Variants in COL5A2 observed in about 807,000 individuals in gnomAD.
The protein encoded by COL5A2 is collagen type V alpha 2 chain.
Under a neutral mutation model 208.2 loss-of-function variants are expected in COL5A2, and 23 were observed. The observed-to-expected ratio is 0.11, with a 90% CI of 0.08 to 0.16. COL5A2 has a LOEUF of 0.16. COL5A2 is among the 10% of genes least tolerant of loss of function. The probability of loss-of-function intolerance (pLI) is 1.00; values close to 1 mark genes in which losing one functional copy is unlikely to be tolerated. For missense variants in COL5A2, 1,590 were observed against 1,956.4 expected (o/e 0.81, Z 3.53); for synonymous variants, 625 against 628.5 (o/e 0.99, Z 0.08).
the COL5A2 span, among the ~76,000 whole-genome samples, chr2:189,267,594 G>A: frequency 6.6e-6 from 1 of 152,208 alleles, no homozygotes; most frequent in African/African-American, 2.4e-5. Flanking sequence ...GAATAAGAAG[G>A]CCAGGAAATT....
At chr2:189,137,062 T>C (rs1429916996) in intron 1 of COL5A2, among the ~76,000 whole-genome samples, 1 of 152,202 alleles carries the variant, frequency 6.6e-6, no homozygotes, top group East Asian at 1.9e-4. Flanking sequence ...GGTTCTATAA[T>C]TACAATTATT....
chr2:189,362,045 T>G, the COL5A2 span, among the ~76,000 whole-genome samples: 1 of 152,194 alleles, frequency 6.6e-6, no homozygotes, highest in Non-Finnish European at 1.5e-5. Flanking sequence ...GGTGATTTAG[T>G]TACCCCAACT....
chr2:189,064,857 G>C (rs1011749771), intron 24 of COL5A2, 147 bp downstream of exon 24: 1 of 902,260 alleles, frequency 1.1e-6, no homozygotes, highest in South Asian at 1.4e-5. Context: ...AATTACACAA[G>C]AGAGGATTGG....
the COL5A2 span, among the ~76,000 whole-genome samples, chr2:189,430,999 C>T: frequency 2.6e-5 from 4 of 152,294 alleles, no homozygotes; most frequent in African/African-American, 9.6e-5. Flanking sequence ...GCAATATTTG[C>T]TATTCTGCAA....
At chr2:189,343,380 A>T in the COL5A2 span, among the ~76,000 whole-genome samples, 4 of 152,112 alleles carry the variant, frequency 2.6e-5, no homozygotes, top group Non-Finnish European at 5.9e-5. Context: ...CTAGGAAGTA[A>T]GAAATCCTGA....
chr2:189,222,514 C>T (rs577925171), intron 1 of COL5A2, among the ~76,000 whole-genome samples: 1 of 152,166 alleles, frequency 6.6e-6, no homozygotes, highest in East Asian at 1.9e-4. Flanking sequence ...CAGTGATATC[C>T]TCCTATCCAG....
At chr2:189,395,898 CAAAAAAAAAAAAAAAAAA>C in the COL5A2 span, among the ~76,000 whole-genome samples, 2 of 53,188 alleles carry the variant, frequency 3.8e-5, no homozygotes, top group African/African-American at 7.8e-5. Context: ...GGACACATCT[CAAAAAAAAAAAAAAAAAA>C]AAAAAAAAAA....
the COL5A2 span, among the ~76,000 whole-genome samples, chr2:189,243,130 T>C: frequency 1.4e-4 from 21 of 151,934 alleles, no homozygotes; most frequent in Non-Finnish European, 2.4e-4. Context: ...AAGTGAGTGA[T>C]GAACAATCCT....
At chr2:189,201,317 A>G (rs1263520126) in intron 1 of COL5A2, among the ~76,000 whole-genome samples, 1 of 152,020 alleles carries the variant, frequency 6.6e-6, no homozygotes, top group Non-Finnish European at 1.5e-5. Context: ...TAAGTCCATG[A>G]AATGATACAA....
chr2:189,433,186 G>C, the COL5A2 span, among the ~76,000 whole-genome samples: 1 of 152,210 alleles, frequency 6.6e-6, no homozygotes, highest in Non-Finnish European at 1.5e-5. Context: ...AAAGCAATGT[G>C]TAGGGAGAAA....
chr2:189,041,801 A>G, intron 49 of COL5A2, 108 bp from the exon 50 acceptor site: 1 of 703,772 alleles, frequency 1.4e-6, no homozygotes, highest in East Asian at 2.7e-5. Context: ...AGTGATTTCT[A>G]AGATTCATTT....
At chr2:189,226,722 G>A (rs1319256612), upstream of COL5A2, among the ~76,000 whole-genome samples, 2 of 152,098 alleles carry the variant, frequency 1.3e-5, no homozygotes, top group Non-Finnish European at 2.9e-5. Context: ...CAGTATCGCA[G>A]ACAGAGGCCT....
At chr2:189,264,247 C>A in the COL5A2 span, among the ~76,000 whole-genome samples, 2 of 151,740 alleles carry the variant, frequency 1.3e-5, no homozygotes, top group Admixed American at 1.3e-4. Flanking sequence ...TATTGAAATT[C>A]ATTAAAGAAA....
chr2:189,402,515 G>A, the COL5A2 span, among the ~76,000 whole-genome samples: 1 of 152,364 alleles, frequency 6.6e-6, no homozygotes, highest in Non-Finnish European at 1.5e-5. Context: ...ACTGTGCCCG[G>A]CCTATAGGTT....
intron 1 of COL5A2, among the ~76,000 whole-genome samples, chr2:189,140,177 TAAG>T (rs1258566933): frequency 3.9e-5 from 6 of 152,228 alleles, no homozygotes; most frequent in African/African-American, 1.4e-4. Context: ...AGAATAAAAA[TAAG>T]AATCAAAGTG....
intron 53 of COL5A2, 37 bp from the exon 54 acceptor site, chr2:189,034,253 C>T (rs1685398005): frequency 4.3e-6 from 7 of 1,612,272 alleles, no homozygotes; most frequent in Non-Finnish European, 5.9e-6. Context: ...AATGTACATA[C>T]AATTTTTTCC....
chr2:189,096,269 AAATT>A (rs1289507924), intron 6 of COL5A2: 1 of 152,208 alleles, frequency 6.6e-6, no homozygotes, highest in Non-Finnish European at 1.5e-5. Context: ...ATTAGAGAAA[AAATT>A]AAACAGTACA....
At chr2:189,058,285 G>A (rs1358843883) in intron 33 of COL5A2, 144 bp downstream of exon 33, 12 of 744,066 alleles carry the variant, frequency 1.6e-5, no homozygotes, top group African/African-American at 5.2e-5. Context: ...CCTAGTAAGC[G>A]CTCATTAAAT....
intron 1 of COL5A2, among the ~76,000 whole-genome samples, chr2:189,166,607 G>T (rs1688469154): frequency 6.6e-6 from 1 of 152,160 alleles, no homozygotes; most frequent in Admixed American, 6.5e-5. Flanking sequence ...GAAAAGACTT[G>T]AAGTAATTTT....
Sources: allele counts gnomAD v4.1 joint callset (sites outside exome capture counted in the v4.1 genomes callset), GRCh38; gene constraint gnomAD v4.1.1; transcripts MANE v1.5; gene names NCBI Gene and HGNC (gene_info 2026-07-23, HGNC 2026-07-21).